Variants in MYO6 observed in about 807,000 individuals in gnomAD.
MYO6 encodes the protein myosin VI.
MYO6 carries 74 observed loss-of-function variants against 178.7 expected under a neutral mutation model. That is an observed-to-expected ratio of 0.41 (90% confidence interval 0.34 to 0.50). The LOEUF (loss-of-function observed/expected upper bound fraction) is 0.50. Ranked by LOEUF, MYO6 falls within the 20% of genes least tolerant of loss-of-function variation. The pLI is 0.09. For missense variants in MYO6, 1,330 were observed against 1,547.4 expected (o/e 0.86, Z 2.36); for synonymous variants, 477 against 504.6 (o/e 0.95, Z 0.73).
intron 1 of MYO6, among the ~76,000 whole-genome samples, chr6:75,771,083 G>C (rs1765843373): frequency 1.3e-5 from 2 of 151,066 alleles, no homozygotes; most frequent in South Asian, 4.2e-4. Flanking sequence ...GTTCATTGCA[G>C]CCTCGACCTC....
At chr6:75,866,275 C>CTGTGTGTGTGTGGGGG in intron 16 of MYO6, among the ~76,000 whole-genome samples, 1 of 119,216 alleles carries the variant, frequency 8.4e-6, no homozygotes, top group Middle Eastern at 4.9e-3. Context: ...GTCTCTGTCT[C>CTGTGTGTGTGTGGGGG]TGTGTGTGTG....
chr6:75,892,757 T>A, intron 28 of MYO6, 67 bp downstream of exon 28: 1 of 1,548,814 alleles, frequency 6.5e-7, no homozygotes, highest in Non-Finnish European at 8.9e-7. Flanking sequence ...TGCCTCTCAT[T>A]TCCATGCAGA....
At chr6:75,830,209 G>A (rs1368269318) in intron 4 of MYO6, among the ~76,000 whole-genome samples, 3 of 152,060 alleles carry the variant, frequency 2.0e-5, no homozygotes, top group African/African-American at 7.2e-5. Context: ...CTATGGGTTG[G>A]TAAGATACAA....
At chr6:75,795,513 A>G (rs956258326) in intron 1 of MYO6, among the ~76,000 whole-genome samples, 21 of 152,318 alleles carry the variant, frequency 1.4e-4, no homozygotes, top group African/African-American at 4.8e-4. Context: ...TGGTTTTATC[A>G]GGTTTTATAG....
intron 1 of MYO6, among the ~76,000 whole-genome samples, chr6:75,769,875 G>C (rs2150016794): frequency 6.6e-6 from 1 of 152,264 alleles, no homozygotes; most frequent in African/African-American, 2.4e-5. Context: ...ACTCTGGCCT[G>C]GGCTACACGG....
chr6:75,907,572 G>A, intron 30 of MYO6, 33 bp from the exon 31 acceptor site: 1 of 1,525,532 alleles, frequency 6.6e-7, no homozygotes, highest in Middle Eastern at 1.7e-4. Flanking sequence ...CATGTTTCTG[G>A]TTTAAACATG....
rs1262770087 is a variant in MYO6, at chr6:75,917,451, T to C, written c.*2439T>C. On this transcript the variant is annotated 3_prime_UTR_variant, in exon 35 of 35. Transcript: ENST00000369977. Reference sequence around the variant, plus strand: ...GGTAACACAGTTGAGATATGTATTATGAGTTATGGGAACTAATTGAGAAAA... The same window carrying C: ...GGTAACACAGTTGAGATATGTATTACGAGTTATGGGAACTAATTGAGAAAA... 1 of 152,552 alleles carries C rather than the reference T, an allele frequency of 6.6e-6. No individual in the cohort carries two copies. The highest frequency in any genetic ancestry group is 1.5e-5 in the Non-Finnish European group (1 of 68,034). 9.4% of individuals were successfully genotyped at this position (152,552 alleles called of 1,614,324 possible).
At chr6:75,799,366 G>C (rs184407526) in intron 1 of MYO6, among the ~76,000 whole-genome samples, 19 of 149,818 alleles carry the variant, frequency 1.3e-4, no homozygotes, top group Admixed American at 4.0e-4. Context: ...TTCCACCCCG[G>C]ACGACAAGAG....
At chr6:75,757,724 C>A (rs1373907939) in intron 1 of MYO6, among the ~76,000 whole-genome samples, 1 of 151,990 alleles carries the variant, frequency 6.6e-6, no homozygotes, top group Non-Finnish European at 1.5e-5. Flanking sequence ...CAAATTATTT[C>A]ATTTCTCTAG....
At chr6:75,893,826 T>A (rs754480809) in intron 28 of MYO6, among the ~76,000 whole-genome samples, 1 of 152,222 alleles carries the variant, frequency 6.6e-6, no homozygotes, top group Admixed American at 6.5e-5. Context: ...AGTCCAATAT[T>A]TGGGCTCTTT....
In MYO6 at chr6:75,886,094, G is replaced by C; in HGVS notation, c.2507G>C (p.Arg836Pro). 1.3e-6 allele frequency: 2 copies of C among 1,598,236 alleles called. No homozygotes were observed. Among genetic ancestry groups the C allele is most frequent in the Non-Finnish European group, 1.7e-6 (2 of 1,166,212 alleles). The change falls in exon 24 of 35, where the codon CGC becomes CCC. Residue 836 changes from arginine (R) to proline (P), a missense_variant and splice_region_variant. Physicochemically the swap from Arg to Pro is moderately radical, Grantham distance 103 (BLOSUM62 -2). Coordinates refer to ENST00000369977, the MANE Select transcript of MYO6 (RefSeq NM_004999.4). Reference sequence around the variant, plus strand: ...CTTTGCAAGAGGAGACACAAACCTCGGTAAGATGAATAGTTCCTAAAAAGA... The same window carrying C: ...CTTTGCAAGAGGAGACACAAACCTCCGTAAGATGAATAGTTCCTAAAAAGA... Reference protein sequence around the residue: ...MWLCKRRHKPRIDGLVKVGTL... With the variant: ...MWLCKRRHKPPIDGLVKVGTL...
At chr6:75,790,480 CAA>C (rs1562162764) in intron 1 of MYO6, among the ~76,000 whole-genome samples, 2 of 151,584 alleles carry the variant, frequency 1.3e-5, no homozygotes, top group African/African-American at 4.8e-5. Flanking sequence ...CTCGTGGGTT[CAA>C]GCAATTCTCT....
At chr6:75,751,259 T>C (rs1229142910) in intron 1 of MYO6, among the ~76,000 whole-genome samples, 1 of 152,216 alleles carries the variant, frequency 6.6e-6, no homozygotes. Flanking sequence ...TTTAGTCTTA[T>C]GTACATTTGC....
chr6:75,894,691 T>C (rs960460611), intron 28 of MYO6: 1 of 564,714 alleles, frequency 1.8e-6, no homozygotes, highest in Admixed American at 4.0e-5. Context: ...AATTTATGAG[T>C]AAGAACTAAG....
intron 1 of MYO6, among the ~76,000 whole-genome samples, chr6:75,757,972 CTTTTTTT>C (rs71002761): frequency 1.3e-4 from 10 of 74,298 alleles, no homozygotes; most frequent in African/African-American, 3.1e-4. Context: ...TTGAAGTTGG[CTTTTTTT>C]TTTTTTTTTT....
At chr6:75,905,798 A>G (rs527845242) in intron 30 of MYO6, among the ~76,000 whole-genome samples, 8 of 152,352 alleles carry the variant, frequency 5.3e-5, no homozygotes, top group East Asian at 1.9e-4. Context: ...TATGTCAAAG[A>G]ATTTTAAGTA....
chr6:75,856,183 G>A (rs768797934), intron 12 of MYO6, among the ~76,000 whole-genome samples: 5 of 152,108 alleles, frequency 3.3e-5, no homozygotes, highest in Admixed American at 2.6e-4. Context: ...ATATCTCTGC[G>A]GCCCAAGGGA....
At chr6:75,891,748 A>T (rs752367215) in intron 27 of MYO6, among the ~76,000 whole-genome samples, 1 of 152,248 alleles carries the variant, frequency 6.6e-6, no homozygotes, top group African/African-American at 2.4e-5. Context: ...ACCAAAGGCC[A>T]GTTTTTGAAG....
chr6:75,787,192 C>T (rs1439422550), intron 1 of MYO6, among the ~76,000 whole-genome samples: 4 of 152,126 alleles, frequency 2.6e-5, no homozygotes, highest in East Asian at 1.9e-4. Flanking sequence ...GCAAGGATGT[C>T]GAACAATGGG....
Sources: allele counts gnomAD v4.1 joint callset (sites outside exome capture counted in the v4.1 genomes callset), GRCh38; gene constraint gnomAD v4.1.1; transcripts MANE v1.5; gene names NCBI Gene and HGNC (gene_info 2026-07-23, HGNC 2026-07-21).